NUP188: variants seen among roughly 807,000 people sequenced by gnomAD.
The protein encoded by NUP188 is nucleoporin NUP188.
NUP188 carries 97 observed loss-of-function variants against 223.0 expected under a neutral mutation model. That is an observed-to-expected ratio of 0.43 (90% CI 0.37 to 0.51). The LOEUF is 0.51. Among genes scored for constraint, NUP188 ranks in the 20% least tolerant of loss-of-function variants. NUP188 has a pLI of 0.00. For missense variants in NUP188, 1,947 were observed against 2,175.6 expected, an observed-to-expected ratio of 0.89 and a Z score of 2.09; for synonymous variants, 869 against 828.0, an observed-to-expected ratio of 1.05 and a Z score of -0.85.
At position 128,987,668 on chromosome 9, in the gene NUP188, G is replaced by A; in HGVS notation, c.2344G>A (p.Gly782Ser). The A allele has an allele frequency of 6.2e-7, 1 of 1,614,060 alleles. No homozygotes were observed. Among genetic ancestry groups the A allele is most frequent in the Non-Finnish European group, 8.5e-7 (1 of 1,179,986 alleles). ...EAGQTVINIMGIGVDTIDMVM... is the reference protein window; with the variant it reads ...EAGQTVINIMSIGVDTIDMVM... ...AGGACAGACAGTTATCAATATCATG[G>A]GCATTGGCGTGGACACCATTGACAT... The change falls in exon 23 of 44, where the codon GGC becomes AGC. Residue 782 changes from glycine (G) to serine (S), a missense_variant. Coordinates refer to ENST00000372577, the MANE Select transcript of NUP188 (RefSeq NM_015354.3).
chr9:128,949,619 A>C (rs1442928566), intron 2 of NUP188, among the ~76,000 whole-genome samples: 4 of 148,988 alleles, frequency 2.7e-5, no homozygotes, highest in Non-Finnish European at 4.4e-5. Context: ...GGCGTGAGCC[A>C]CCACACCTGG....
At position 128,956,958 on chromosome 9, in the gene NUP188, G is replaced by C. The variant is rs773522287; in HGVS notation, c.253G>C (p.Asp85His). The C allele has an allele frequency of 1.2e-6, 2 of 1,609,612 alleles. No homozygotes were observed. Among genetic ancestry groups the C allele is most frequent in the East Asian group, 2.2e-5 (1 of 44,762 alleles). Reference sequence around the variant, plus strand: ...TAAAATCTCTGTGTTTCAGGGTCTTGATGAAGAACAGAGTGTGCAGTTACT... The same window carrying C: ...TAAAATCTCTGTGTTTCAGGGTCTTCATGAAGAACAGAGTGTGCAGTTACT... ...GLRISKFLGLDEEQSVQLLQC... is the reference protein window; with the variant it reads ...GLRISKFLGLHEEQSVQLLQC... The change falls in exon 5 of 44, where the codon GAT (aspartate) becomes CAT (histidine). Residue 85 changes from aspartate (D) to histidine (H), a missense_variant. Physicochemically the swap from Asp to His is moderately conservative, Grantham distance 81. Transcript: ENST00000372577.
rs766961149 is a variant in NUP188, at chr9:129,001,954, T to C, written c.4115T>C (p.Leu1372Pro). 3.7e-6 allele frequency: 6 copies of C among 1,614,160 alleles called. No homozygotes were observed. The highest frequency in any genetic ancestry group is 3.3e-5 in the South Asian group (3 of 91,086). The change falls in exon 36 of 44, where the codon CTG becomes CCG. Residue 1372 changes from leucine (L) to proline (P), a missense_variant. Leu to Pro is a moderately conservative substitution (Grantham distance 98). Around this residue, in one of 3 missense-constraint regions of NUP188, gnomAD observed 905 missense variants for 990.6 expected, o/e 0.91. Transcript: ENST00000372577. ...ICLPLLSVYQLSTNGTAQTPS... is the reference protein window; with the variant it reads ...ICLPLLSVYQPSTNGTAQTPS... ...TTGCCCCTTCTGAGTGTGTACCAGC[T>C]GAGCACCAACGGCACAGCACAGGTG... is the stretch of plus-strand genomic sequence containing the variant.
intron 3 of NUP188, 66 bp downstream of exon 3, chr9:128,952,912 C>T (rs1015515471): frequency 1.9e-5 from 23 of 1,236,958 alleles, no homozygotes; most frequent in Non-Finnish European, 2.7e-5. Flanking sequence ...ATAAAACCAT[C>T]CTTCTATGTG....
At chr9:128,980,509 GATTA>G in intron 13 of NUP188, 93 bp from the exon 14 acceptor site, 1 of 1,272,774 alleles carries the variant, frequency 7.9e-7, no homozygotes, top group Non-Finnish European at 1.1e-6. Flanking sequence ...TAAAAGGAAG[GATTA>G]ATTCTAAATT....
intron 19 of NUP188, 38 bp downstream of exon 19, chr9:128,983,588 G>A (rs1384155264): frequency 2.2e-6 from 3 of 1,357,952 alleles, no homozygotes; most frequent in Middle Eastern, 1.8e-4. Context: ...ATATTCCCTA[G>A]TGAGAACCAC....
intron 22 of NUP188, among the ~76,000 whole-genome samples, chr9:128,987,086 AGAGTGTGTGTGTGTGT>A (rs1167449509): frequency 9.3e-5 from 12 of 128,424 alleles, no homozygotes; most frequent in Non-Finnish European, 1.3e-4. Flanking sequence ...AGAGAGAGAG[AGAGTGTGTGTGTGTGT>A]GTGTGTGTGT....
chr9:128,999,576 G>C (rs202163015), intron 33 of NUP188, 48 bp from the exon 34 acceptor site: 11 of 1,579,090 alleles, frequency 7.0e-6, no homozygotes, highest in Admixed American at 3.4e-5. Context: ...TGTACAGTGA[G>C]AGTTGGCCTG....
intron 20 of NUP188, chr9:128,985,219 T>C (rs182822391): frequency 1.1e-4 from 51 of 458,048 alleles, no homozygotes; most frequent in Middle Eastern, 5.2e-4. Flanking sequence ...TGCTTAATTA[T>C]GTGAATTTAT....
At chr9:128,956,305 G>A (rs1841870385) in intron 3 of NUP188, 45 bp from the exon 4 acceptor site, 1 of 1,144,374 alleles carries the variant, frequency 8.7e-7, no homozygotes, top group South Asian at 1.5e-5. Context: ...TTTAAACTCA[G>A]TGGGCTATTG....
At chr9:128,982,257 C>T (rs977951801) in intron 15 of NUP188, among the ~76,000 whole-genome samples, 1 of 152,004 alleles carries the variant, frequency 6.6e-6, no homozygotes, top group Non-Finnish European at 1.5e-5. Context: ...ATGGAAAACC[C>T]CATCTCTACT....
chr9:128,993,424 G>A, intron 26 of NUP188, 21 bp downstream of exon 26: 2 of 1,613,674 alleles, frequency 1.2e-6, no homozygotes, highest in Non-Finnish European at 8.5e-7. Flanking sequence ...AACCTGGGAT[G>A]ACACTGGGAG....
intron 12 of NUP188, among the ~76,000 whole-genome samples, chr9:128,973,983 T>C (rs1161661893): frequency 6.6e-6 from 1 of 152,120 alleles, no homozygotes; most frequent in Non-Finnish European, 1.5e-5. Context: ...CGATCTCGGC[T>C]CACTGCAACC....
chr9:128,958,972 AC>A lies in NUP188; in HGVS notation c.466-41del, dbSNP rs1194589530. The stretch of plus-strand genomic sequence containing the variant: ...TTTATTAATATTTATTTGAATATTT[AC>A]CTTTTATTCTAGGTATAATTTACTC... On this transcript the variant is annotated intron_variant, in intron 7 of 43. Coordinates refer to ENST00000372577, the MANE Select transcript of NUP188 (RefSeq NM_015354.3). 3 of 1,434,642 alleles carry A rather than the reference AC, an allele frequency of 2.1e-6. No individual in the cohort carries two copies. The African/African-American group carries it at 4.3e-5, about 21-fold the overall frequency. The allele number at this position is 1,434,642 out of a possible 1,614,324, so 88.9% of individuals were successfully genotyped here.
At chr9:128,979,506 G>A (rs778871089) in intron 13 of NUP188, among the ~76,000 whole-genome samples, 179 bp downstream of exon 13, 1 of 152,186 alleles carries the variant, frequency 6.6e-6, no homozygotes, top group Non-Finnish European at 1.5e-5. Context: ...TTAGAGATGT[G>A]AAGTGATTTG....
At chr9:128,984,439 A>G (rs778765290) in intron 19 of NUP188, among the ~76,000 whole-genome samples, 5 of 151,998 alleles carry the variant, frequency 3.3e-5, no homozygotes, top group Non-Finnish European at 7.4e-5. Flanking sequence ...AGCAAGAGAG[A>G]TTTCTTATCC....
chr9:128,949,852 C>T (rs929010435), intron 2 of NUP188, among the ~76,000 whole-genome samples: 8 of 150,926 alleles, frequency 5.3e-5, no homozygotes, highest in Non-Finnish European at 1.2e-4. Context: ...TGGTGTTGAA[C>T]TCCTGACCTC....
intron 8 of NUP188, among the ~76,000 whole-genome samples, chr9:128,963,903 G>A (rs1176457732): frequency 6.6e-6 from 1 of 151,418 alleles, no homozygotes; most frequent in Non-Finnish European, 1.5e-5. Flanking sequence ...TGCAACCTCT[G>A]CCTCCTGAGT....
intron 32 of NUP188, 113 bp downstream of exon 32, chr9:128,998,736 G>T: frequency 2.5e-6 from 2 of 798,484 alleles, no homozygotes; most frequent in East Asian, 2.6e-5. Context: ...TTTCCATCTT[G>T]AGGAATGGGA....
Sources: gnomAD v4.1 joint callset for allele counts (sites outside exome capture counted in the v4.1 genomes callset) on GRCh38, gnomAD v4.1.1 for gene constraint, gnomAD v4.1.1 regional missense constraint, MANE v1.5 for transcripts, NCBI Gene and HGNC (gene_info 2026-07-23, HGNC 2026-07-21) for gene names.